The following CCSER1 variants were observed in gnomAD, a reference collection of about 807,000 sequenced individuals.
CCSER1 encodes coiled-coil serine rich protein 1, also known as serine-rich coiled-coil domain-containing protein 1.
CCSER1 carries 41 observed loss-of-function variants against 82.0 expected under a neutral mutation model. The observed-to-expected ratio is 0.50, with a 90% CI of 0.39 to 0.65. CCSER1 has a LOEUF of 0.65. Ranked by LOEUF, CCSER1 falls within the 30% of genes least tolerant of loss-of-function variation. CCSER1 has a pLI of 0.00. For synonymous variants in CCSER1, 414 were observed against 383.9 expected (o/e 1.08, Z -0.92); for missense variants, 1,119 against 1,064.2 (o/e 1.05, Z -0.72).
intron 9 of CCSER1, among the ~76,000 whole-genome samples, chr4:91,032,104 AAC>A (rs1054521828): frequency 6.6e-6 from 1 of 151,842 alleles, no homozygotes; most frequent in African/African-American, 2.4e-5. Flanking sequence ...TAGAAAGGAA[AAC>A]AAAAATGTGC....
At chr4:90,251,384 T>C (rs1233977327) in intron 1 of CCSER1, among the ~76,000 whole-genome samples, 2 of 151,926 alleles carry the variant, frequency 1.3e-5, no homozygotes, top group Non-Finnish European at 2.9e-5. Flanking sequence ...CACATCCTTA[T>C]CAGGTTGAGG....
intron 3 of CCSER1, among the ~76,000 whole-genome samples, chr4:90,368,768 GCA>G (rs71596526): frequency 1.4e-4 from 21 of 149,956 alleles, no homozygotes; most frequent in Non-Finnish European, 2.2e-4. Flanking sequence ...ATATAAATAC[GCA>G]CACACACACA....
chr4:91,110,748 G>A (rs1293629948), intron 10 of CCSER1, among the ~76,000 whole-genome samples: 3 of 151,880 alleles, frequency 2.0e-5, no homozygotes, highest in African/African-American at 7.2e-5. Flanking sequence ...ATAAATGTTT[G>A]TTGAGTTGAA....
intron 10 of CCSER1, among the ~76,000 whole-genome samples, chr4:91,465,260 G>T (rs1756814372): frequency 6.6e-6 from 1 of 152,086 alleles, no homozygotes; most frequent in South Asian, 2.1e-4. Context: ...TGATTACTGG[G>T]TATATAACGA....
intron 1 of CCSER1, among the ~76,000 whole-genome samples, chr4:90,172,778 C>T (rs1018666176): frequency 2.0e-5 from 3 of 151,728 alleles, no homozygotes; most frequent in Non-Finnish European, 2.9e-5. Flanking sequence ...GTACTAGCTA[C>T]GTTTGAAATA....
chr4:91,082,555 C>T (rs1449894447), intron 9 of CCSER1, among the ~76,000 whole-genome samples: 1 of 152,086 alleles, frequency 6.6e-6, no homozygotes, highest in Non-Finnish European at 1.5e-5. Context: ...CCAAAATTGA[C>T]AAATGGGATC....
At chr4:90,358,760 GA>G (rs1744771996) in intron 3 of CCSER1, among the ~76,000 whole-genome samples, 1 of 152,106 alleles carries the variant, frequency 6.6e-6, no homozygotes, top group Non-Finnish European at 1.5e-5. Context: ...AGTATAATTT[GA>G]GTTAATAAAT....
chr4:90,557,102 G>A (rs1457539017), intron 5 of CCSER1, among the ~76,000 whole-genome samples: 3 of 151,518 alleles, frequency 2.0e-5, no homozygotes, highest in African/African-American at 7.3e-5. Context: ...CCACCCCCTT[G>A]AAATAATCTA....
chr4:91,331,381 G>T (rs1381553566), intron 10 of CCSER1, among the ~76,000 whole-genome samples: 1 of 151,986 alleles, frequency 6.6e-6, no homozygotes. Context: ...TCTTGCTCAT[G>T]TAAGAAACCC....
chr4:90,624,754 G>A (rs902018200), intron 5 of CCSER1, among the ~76,000 whole-genome samples: 9 of 152,128 alleles, frequency 5.9e-5, no homozygotes, highest in African/African-American at 1.9e-4. Context: ...TATGGACTTA[G>A]AAAAGTCTGT....
chr4:91,508,067 CT>C (rs1217669150), intron 10 of CCSER1, among the ~76,000 whole-genome samples: 21 of 142,056 alleles, frequency 1.5e-4, no homozygotes, highest in African/African-American at 2.3e-4. Context: ...ACATCTGTGC[CT>C]TTTTTTTTCT....
chr4:90,353,435 C>CA (rs139659519), intron 3 of CCSER1, among the ~76,000 whole-genome samples: 84 of 152,234 alleles, frequency 5.5e-4, no homozygotes, highest in Non-Finnish European at 1.0e-3. Flanking sequence ...GACAAGATGT[C>CA]ATGGACCTGT....
intron 10 of CCSER1, among the ~76,000 whole-genome samples, chr4:91,155,962 C>T (rs1169615527): frequency 2.6e-5 from 4 of 151,754 alleles, no homozygotes; most frequent in African/African-American, 7.2e-5. Flanking sequence ...ATATAATTTA[C>T]ATTATTATTA....
rs1457541394 is a variant in CCSER1 at position 91,604,612 on chromosome 4, CTT to C, written c.*5556_*5557del. On this transcript the variant is annotated 3_prime_UTR_variant, in exon 11 of 11. Transcript: ENST00000509176. Reference sequence around the variant, plus strand: ...AAAAATAAACTAGTTATCAGATTGTCTTATATCTTTCCTTCATAGGACATTGA... The same window carrying C: ...AAAAATAAACTAGTTATCAGATTGTCATATCTTTCCTTCATAGGACATTGA... 1 of 151,980 alleles carries C rather than the reference CTT, an allele frequency of 6.6e-6. No homozygotes were observed. The highest frequency in any genetic ancestry group is 1.5e-5 in the Non-Finnish European group (1 of 67,908). The allele number at this position is 151,980 out of a possible 1,614,324, so 9.4% of individuals were successfully genotyped here.
intron 5 of CCSER1, among the ~76,000 whole-genome samples, chr4:90,622,686 T>G (rs111681931): frequency 0.027 from 4,111 of 152,070 alleles, 177 homozygotes; most frequent in African/African-American, 0.095. Context: ...TTTGGGTTGG[T>G]TCCAAGTCTT....
At chr4:91,294,701 T>C (rs1313195889) in intron 10 of CCSER1, among the ~76,000 whole-genome samples, 1 of 151,860 alleles carries the variant, frequency 6.6e-6, no homozygotes, top group African/African-American at 2.4e-5. Context: ...GCTCTTCCTG[T>C]GTATACCTCC....
intron 6 of CCSER1, among the ~76,000 whole-genome samples, chr4:90,663,632 G>A (rs755283116): frequency 6.6e-6 from 1 of 152,048 alleles, no homozygotes; most frequent in Non-Finnish European, 1.5e-5. Flanking sequence ...TTACAGGTGC[G>A]ACTACCACAC....
chr4:90,545,124 G>C (rs1166831230), intron 5 of CCSER1, among the ~76,000 whole-genome samples: 1 of 152,098 alleles, frequency 6.6e-6, no homozygotes, highest in Non-Finnish European at 1.5e-5. Context: ...GTGGACTAAA[G>C]AGCACTTCTT....
At chr4:90,697,746 C>A (rs777162722) in intron 6 of CCSER1, among the ~76,000 whole-genome samples, 1 of 152,014 alleles carries the variant, frequency 6.6e-6, no homozygotes, top group African/African-American at 2.4e-5. Context: ...GAAAGGAGAA[C>A]AATTGATTTG....
Sources: allele counts gnomAD v4.1 joint callset (sites outside exome capture counted in the v4.1 genomes callset), GRCh38; gene constraint gnomAD v4.1.1; transcripts MANE v1.5; gene names NCBI Gene and HGNC (gene_info 2026-07-23, HGNC 2026-07-21).